LAMA2: variants seen among roughly 807,000 people sequenced by gnomAD.
LAMA2 encodes laminin subunit alpha 2, also known as laminin subunit alpha-2.
LAMA2 carries 269 observed loss-of-function variants against 364.8 expected under a neutral mutation model. The ratio of observed to expected loss-of-function variants is 0.74; its 90% CI spans 0.67 to 0.82. The LOEUF (loss-of-function observed/expected upper bound fraction) is 0.82. LAMA2 is among the 40% of genes least tolerant of loss of function. The pLI is 0.00. For synonymous variants in LAMA2, 1,379 were observed against 1,370.6 expected (o/e 1.01, Z -0.14); for missense variants, 3,807 against 3,873.2 (o/e 0.98, Z 0.45).
rs1489793369 is a variant in LAMA2 at position 129,388,672 on chromosome 6, T to TACACACACAC, written c.5072-2815_5072-2814insACACACACAC. On this transcript the variant is annotated intron_variant, in intron 35 of 64. Transcript: ENST00000421865. ...GATATTTCTTATGAAAGCTGATTTA[T>TACACACACAC]ACACGCACACACACACACGCGCGCA... 2.4e-3 allele frequency among the ~76,000 whole-genome samples: 372 copies of TACACACACAC among 152,276 alleles called. 2 individuals are homozygous for TACACACACAC. The highest frequency in any genetic ancestry group is 8.8e-3 in the African/African-American group (366 of 41,552).
At chr6:129,382,738 C>G (rs896853858) in intron 34 of LAMA2, among the ~76,000 whole-genome samples, 1 of 152,158 alleles carries the variant, frequency 6.6e-6, no homozygotes, top group Non-Finnish European at 1.5e-5. Flanking sequence ...CATTGCTGCA[C>G]TCCACACACT....
At position 129,176,624 on chromosome 6, in the gene LAMA2, A is replaced by C. The variant is rs116522700; in HGVS notation, c.1307-1082A>C. On this transcript the variant is annotated intron_variant, in intron 9 of 64. Transcript: ENST00000421865. ...ATTTGAAGCATAAACATAATAATTT[A>C]AATCATGTTTTTATTATATTTTTAT... Among the ~76,000 whole-genome samples, 461 of 152,266 alleles carry C rather than the reference A, an allele frequency of 3.0e-3. 2 individuals carry two copies. Among genetic ancestry groups the C allele is most frequent in the African/African-American group, 0.011 (452 of 41,586 alleles).
At chr6:129,069,904 TAA>T (rs1773201596) in intron 3 of LAMA2, among the ~76,000 whole-genome samples, 5 of 151,096 alleles carry the variant, frequency 3.3e-5, no homozygotes, top group Middle Eastern at 3.5e-3. Flanking sequence ...TACCTATATA[TAA>T]GACTTTTTCT....
intron 12 of LAMA2, among the ~76,000 whole-genome samples, chr6:129,196,096 A>G (rs1781832403): frequency 6.6e-6 from 1 of 150,530 alleles, no homozygotes; most frequent in Non-Finnish European, 1.5e-5. Flanking sequence ...AAACCTGCTT[A>G]TTTTCTACAG....
intron 9 of LAMA2, among the ~76,000 whole-genome samples, chr6:129,167,517 T>C (rs1273054570): frequency 6.6e-6 from 1 of 152,048 alleles, no homozygotes; most frequent in Non-Finnish European, 1.5e-5. Context: ...CTGCATAGTA[T>C]TCCATGGTGT....
Position 129,098,203 on chromosome 6 carries a change from G to A in LAMA2, c.427G>A (p.Ala143Thr), listed in dbSNP as rs763081181. The A allele has an allele frequency of 1.2e-6, 2 of 1,613,996 alleles. No homozygotes were observed. The highest frequency in any genetic ancestry group is 8.5e-7 in the Non-Finnish European group (1 of 1,179,950). The change falls in exon 4 of 65, where the codon GCA becomes ACA. Residue 143 changes from alanine to threonine, a missense_variant. By Grantham distance (58) the Ala-to-Thr change is moderately conservative. Coordinates refer to ENST00000421865, the MANE Select transcript of LAMA2 (RefSeq NM_000426.4). Reference protein sequence around the residue: ...VFQIAYVIVKAANSPRPGNWI... With the variant: ...VFQIAYVIVKTANSPRPGNWI... ...CCAGATCGCGTATGTGATTGTGAAGGCAGCTAACTCCCCCCGGCCTGGAAA... is the reference window on the plus strand; with the variant it reads ...CCAGATCGCGTATGTGATTGTGAAGACAGCTAACTCCCCCCGGCCTGGAAA...
intron 1 of LAMA2, among the ~76,000 whole-genome samples, chr6:128,895,612 C>A (rs1020846686): frequency 1.3e-5 from 2 of 152,082 alleles, no homozygotes; most frequent in Non-Finnish European, 2.9e-5. Flanking sequence ...TGCGCCACTG[C>A]ACTCCAGCTT....
intron 1 of LAMA2, among the ~76,000 whole-genome samples, chr6:128,898,446 G>A (rs1194758717): frequency 6.6e-6 from 1 of 152,150 alleles, no homozygotes; most frequent in Admixed American, 6.5e-5. Context: ...TTGACATCTA[G>A]AAGTTACTAT....
chr6:129,293,505 T>A (rs1421258789), intron 20 of LAMA2, among the ~76,000 whole-genome samples: 2 of 152,234 alleles, frequency 1.3e-5, no homozygotes, highest in Non-Finnish European at 2.9e-5. Context: ...AGAATTTTGT[T>A]AATTTCCACA....
At chr6:129,384,593 A>T (rs1313687404) in intron 35 of LAMA2, among the ~76,000 whole-genome samples, 1 of 152,158 alleles carries the variant, frequency 6.6e-6, no homozygotes, top group Non-Finnish European at 1.5e-5. Context: ...ATTCATGGTT[A>T]CCTCTTTGGT....
chr6:129,271,876 G>T (rs1787964601), intron 17 of LAMA2, among the ~76,000 whole-genome samples: 1 of 152,204 alleles, frequency 6.6e-6, no homozygotes, highest in East Asian at 1.9e-4. Context: ...CTCTTACCCA[G>T]AATGCGCCTA....
intron 2 of LAMA2, among the ~76,000 whole-genome samples, chr6:129,052,385 T>C (rs1006351144): frequency 2.0e-5 from 3 of 151,692 alleles, no homozygotes; most frequent in Admixed American, 2.0e-4. Context: ...CCTGATCTCG[T>C]GATATGCCCG....
At chr6:129,228,685 C>G (rs1784487739) in intron 12 of LAMA2, among the ~76,000 whole-genome samples, 2 of 151,966 alleles carry the variant, frequency 1.3e-5, no homozygotes, top group African/African-American at 4.8e-5. Flanking sequence ...ATTGTAAAAC[C>G]AAACTCTAAA....
At chr6:128,959,421 C>T (rs1294557836) in intron 1 of LAMA2, among the ~76,000 whole-genome samples, 1 of 152,210 alleles carries the variant, frequency 6.6e-6, no homozygotes, top group East Asian at 1.9e-4. Context: ...CTCTAGAATT[C>T]TAGGTAGAAA....
At chr6:129,025,316 G>A (rs926933601) in intron 1 of LAMA2, among the ~76,000 whole-genome samples, 2 of 151,990 alleles carry the variant, frequency 1.3e-5, no homozygotes, top group Non-Finnish European at 2.9e-5. Flanking sequence ...AAAAGTGCAA[G>A]TATTCATATA....
intron 2 of LAMA2, among the ~76,000 whole-genome samples, chr6:129,050,508 C>A (rs1383156498): frequency 6.6e-6 from 1 of 152,106 alleles, no homozygotes; most frequent in African/African-American, 2.4e-5. Flanking sequence ...AAAGAATGAG[C>A]ACAGCGTTCT....
At position 129,206,102 on chromosome 6, in the gene LAMA2, GAGGGAGGAAGGAAGGAAGGAAGGA is replaced by G. The variant is rs1366299026; in HGVS notation, c.1782+13253_1782+13276del. 2.8e-3 allele frequency among the ~76,000 whole-genome samples: 281 copies of G among 101,806 alleles called. 2 individuals carry two copies. The highest frequency in any genetic ancestry group is 4.6e-3 in the South Asian group (12 of 2,614). The allele number at this position is 101,806 out of a possible 152,430, so 66.8% of individuals were successfully genotyped here. A position where few individuals can be genotyped will look rare whatever the true frequency, so the allele number is the denominator to read the frequency against. ...GAAAGGAGGAAGGAAGGGAGGGAGG[GAGGGAGGAAGGAAGGAAGGAAGGA>G]AGGAAGGAAGGAAGGAAGGAAGGAA... is the stretch of plus-strand genomic sequence containing the variant. On this transcript the variant is annotated intron_variant, in intron 12 of 64. Coordinates refer to ENST00000421865, the MANE Select transcript of LAMA2 (RefSeq NM_000426.4).
In LAMA2 at chr6:129,475,421, A is replaced by C. The variant is rs773997683; in HGVS notation, c.7451+20A>C. 1.3e-6 allele frequency: 2 copies of C among 1,572,404 alleles called. No homozygotes were observed. The highest frequency in any genetic ancestry group is 1.7e-6 in the Non-Finnish European group (2 of 1,150,982). Reference sequence around the variant, plus strand: ...AGCAAGGTAAAATTTAAATTTATGCATGCCTTCTTCGAGTGCATGGGTTGG... The same window carrying C: ...AGCAAGGTAAAATTTAAATTTATGCCTGCCTTCTTCGAGTGCATGGGTTGG... On this transcript the variant is annotated intron_variant, in intron 53 of 64. Coordinates refer to ENST00000421865, the MANE Select transcript of LAMA2 (RefSeq NM_000426.4).
Position 129,231,744 on chromosome 6 carries a change from A to AT in LAMA2, c.1783-18361dup, listed in dbSNP as rs565516166. 2.3e-4 allele frequency among the ~76,000 whole-genome samples: 35 copies of AT among 152,136 alleles called. No homozygotes were observed. The South Asian group carries it at 7.3e-3, about 32-fold the overall frequency. The stretch of plus-strand genomic sequence containing the variant: ...TTGATGATTAAAATAGTGAGCCTGA[A>AT]TTTTTTTAAATAAAAACCAACTAAG... On this transcript the variant is annotated intron_variant, in intron 12 of 64. Coordinates refer to ENST00000421865, the MANE Select transcript of LAMA2 (RefSeq NM_000426.4).
Sources: allele counts gnomAD v4.1 joint callset (sites outside exome capture counted in the v4.1 genomes callset), GRCh38; gene constraint gnomAD v4.1.1; transcripts MANE v1.5; gene names NCBI Gene and HGNC (gene_info 2026-07-23, HGNC 2026-07-21).